Variants in RCBTB1 observed in about 807,000 individuals in gnomAD.
The protein encoded by RCBTB1 is RCC1 and BTB domain-containing protein 1.
RCBTB1 carries 46 observed loss-of-function variants against 62.4 expected under a neutral mutation model. The ratio of observed to expected loss-of-function variants is 0.74; its 90% CI spans 0.58 to 0.94. The LOEUF is 0.94. Ranked by LOEUF, RCBTB1 falls within the 40% of genes least tolerant of loss-of-function variation. The pLI is 0.00. For missense variants in RCBTB1, 565 were observed against 654.9 expected (o/e 0.86, Z 1.50); for synonymous variants, 222 against 245.8 (o/e 0.90, Z 0.91).
At chr13:49,573,787 C>CA in intron 2 of RCBTB1, among the ~76,000 whole-genome samples, 1 of 125,680 alleles carries the variant, frequency 8.0e-6, no homozygotes, top group South Asian at 2.5e-4. Context: ...AAATTTCTCT[C>CA]TTTTTTTTTT....
Position 49,551,361 on chromosome 13 carries a change from C to T in RCBTB1, c.819G>A (p.Leu273=), listed in dbSNP as rs1249495054. 1 of 1,614,214 alleles carries T rather than the reference C, an allele frequency of 6.2e-7. No individual in the cohort carries two copies. Among genetic ancestry groups the T allele is most frequent in the Non-Finnish European group, 8.5e-7 (1 of 1,180,028 alleles). The change falls in exon 8 of 13, where the codon CTG becomes CTA. Residue 273 remains leucine (L), a synonymous_variant. Coordinates refer to ENST00000378302, the MANE Select transcript of RCBTB1 (RefSeq NM_018191.4). ...CCACCATGATGTGTGCTGGGCTTAG[C>T]AGGTTATTTTTATTGCCAGTTCCCA... ...GQLGTGNKNN[L]LSPAHIMVEK...
intron 9 of RCBTB1, among the ~76,000 whole-genome samples, chr13:49,548,970 T>C (rs1961073545): frequency 7.4e-6 from 1 of 134,776 alleles, no homozygotes; most frequent in South Asian, 2.6e-4. Flanking sequence ...CCACCTCTAC[T>C]AAAAATACAA....
chr13:49,549,652 A>G lies in RCBTB1; in HGVS notation c.855-4T>C, dbSNP rs1325755456. ...ACAGGCTGCAATCTCTACCACCCTGAAAAGTTTTAAGAAAAATGCATGTTA... is the reference window on the plus strand; with the variant it reads ...ACAGGCTGCAATCTCTACCACCCTGGAAAGTTTTAAGAAAAATGCATGTTA... On this transcript the variant is annotated splice_region_variant and splice_polypyrimidine_tract_variant and intron_variant, in intron 8 of 12. Coordinates refer to ENST00000378302, the MANE Select transcript of RCBTB1 (RefSeq NM_018191.4). 5 of 1,598,032 alleles carry G rather than the reference A, an allele frequency of 3.1e-6. No individual in the cohort carries two copies. The highest frequency in any genetic ancestry group is 4.3e-6 in the Non-Finnish European group (5 of 1,169,844).
chr13:49,541,306 A>C (rs142073389), intron 11 of RCBTB1, among the ~76,000 whole-genome samples: 1 of 152,308 alleles, frequency 6.6e-6, no homozygotes, highest in African/African-American at 2.4e-5. Flanking sequence ...CACTACTAGA[A>C]AATTAAAATA....
chr13:49,547,675 T>C (rs1456843698), intron 9 of RCBTB1, among the ~76,000 whole-genome samples: 1 of 152,198 alleles, frequency 6.6e-6, no homozygotes, highest in Non-Finnish European at 1.5e-5. Context: ...TCCACTACCC[T>C]TTATAATACC....
At chr13:49,538,490 C>CA (rs749614249) in intron 12 of RCBTB1, among the ~76,000 whole-genome samples, 21 of 152,122 alleles carry the variant, frequency 1.4e-4, no homozygotes, top group Non-Finnish European at 2.2e-4. Flanking sequence ...GTGGGAGGGA[C>CA]ACTTGAGCCC....
chr13:49,535,308 A>G (rs1230304778), intron 12 of RCBTB1, among the ~76,000 whole-genome samples: 1 of 152,144 alleles, frequency 6.6e-6, no homozygotes, highest in Non-Finnish European at 1.5e-5. Flanking sequence ...TCCCCTGCCA[A>G]ACTTTAATAT....
chr13:49,566,051 G>C (rs1962970131), intron 4 of RCBTB1, among the ~76,000 whole-genome samples: 1 of 139,202 alleles, frequency 7.2e-6, no homozygotes, highest in African/African-American at 2.8e-5. Flanking sequence ...TTAAACAGAT[G>C]CTTGAAGGCA....
At chr13:49,560,789 T>C (rs1001351882) in intron 4 of RCBTB1, among the ~76,000 whole-genome samples, 18 of 152,172 alleles carry the variant, frequency 1.2e-4, no homozygotes, top group African/African-American at 3.9e-4. Flanking sequence ...CCTGGAGGCA[T>C]TGTCACTCAC....
At chr13:49,580,053 G>A (rs565956394) in intron 2 of RCBTB1, among the ~76,000 whole-genome samples, 4 of 152,150 alleles carry the variant, frequency 2.6e-5, no homozygotes, top group South Asian at 2.1e-4. Flanking sequence ...AAAAGCAAAC[G>A]AACCAAGTGG....
chr13:49,551,126 G>A lies in RCBTB1; in HGVS notation c.854+200C>T, dbSNP rs1379397333. ...AAAAGGGAAGGGAAGGGAAGGGAAGGGGGGAGGGAGAAGGGGGAAGGGGGA... is the reference window on the plus strand; with the variant it reads ...AAAAGGGAAGGGAAGGGAAGGGAAGAGGGGAGGGAGAAGGGGGAAGGGGGA... On this transcript the variant is annotated intron_variant, in intron 8 of 12. Coordinates refer to ENST00000378302, the MANE Select transcript of RCBTB1 (RefSeq NM_018191.4). 16 of 534,490 alleles carry A rather than the reference G, an allele frequency of 3.0e-5. 1 individual carries two copies. The Middle Eastern group carries it at 2.0e-3, about 66-fold the overall frequency. 33.1% of individuals were successfully genotyped at this position (534,490 alleles called of 1,614,324 possible).
chr13:49,548,379 A>G (rs1961008353), intron 9 of RCBTB1, among the ~76,000 whole-genome samples: 1 of 142,416 alleles, frequency 7.0e-6, no homozygotes, highest in Non-Finnish European at 1.5e-5. Flanking sequence ...ACAGAGTGAG[A>G]CTCCGTCTCA....
intron 2 of RCBTB1, among the ~76,000 whole-genome samples, chr13:49,568,655 G>C (rs921939490): frequency 5.2e-3 from 49 of 9,396 alleles, no homozygotes; most frequent in African/African-American, 0.027. Context: ...GGCCGGGGGA[G>C]GGGGGTGGCT....
At position 49,540,906 on chromosome 13, in the gene RCBTB1, T is replaced by C. The variant is rs1365258135; in HGVS notation, c.1425A>G (p.Leu475=). ...CATCATATCTGACTGCAGCAGAGAA[T>C]AGCGAAAAGGCATTCTCCACAGTAA... is the stretch of plus-strand genomic sequence containing the variant. ...RGITVENAFS[L]FSAAVRYDAE... Residue 475 remains leucine, a synonymous_variant, in exon 12 of 13, where the codon CTA becomes CTG. Transcript: ENST00000378302. 5.0e-6 allele frequency: 8 copies of C among 1,614,040 alleles called. No homozygotes were observed. Among genetic ancestry groups the C allele is most frequent in the Middle Eastern group, 1.6e-4 (1 of 6,062 alleles).
At chr13:49,573,714 T>C (rs989573247) in intron 2 of RCBTB1, among the ~76,000 whole-genome samples, 2 of 151,468 alleles carry the variant, frequency 1.3e-5, no homozygotes, top group African/African-American at 4.9e-5. Context: ...CCTCCCAAAG[T>C]GCTGGGATTA....
At chr13:49,575,176 G>A (rs1963689935) in intron 2 of RCBTB1, among the ~76,000 whole-genome samples, 2 of 152,062 alleles carry the variant, frequency 1.3e-5, no homozygotes, top group Admixed American at 1.3e-4. Flanking sequence ...CTAATCATCA[G>A]AGAAATCCAA....
At chr13:49,536,809 T>C (rs987990136) in intron 12 of RCBTB1, among the ~76,000 whole-genome samples, 21 of 152,146 alleles carry the variant, frequency 1.4e-4, no homozygotes, top group Admixed American at 1.3e-4. Context: ...CTAAGGCAAA[T>C]GAGATAAAAT....
intron 1 of RCBTB1, among the ~76,000 whole-genome samples, chr13:49,585,050 T>A (rs900939962): frequency 6.6e-6 from 1 of 152,112 alleles, no homozygotes; most frequent in Non-Finnish European, 1.5e-5. Context: ...GATGCTAAGA[T>A]CTTGGAAAGG....
At chr13:49,556,818 T>G (rs1961938659) in intron 5 of RCBTB1, among the ~76,000 whole-genome samples, 2 of 152,214 alleles carry the variant, frequency 1.3e-5, no homozygotes, top group Non-Finnish European at 2.9e-5. Flanking sequence ...ATATTAATAT[T>G]CAGTATAATT....
Sources: gnomAD v4.1 joint callset for allele counts (sites outside exome capture counted in the v4.1 genomes callset) on GRCh38, gnomAD v4.1.1 for gene constraint, MANE v1.5 for transcripts, NCBI Gene and HGNC (gene_info 2026-07-23, HGNC 2026-07-21) for gene names.